The following ZNF35 variants were observed in gnomAD, a reference collection of about 807,000 sequenced individuals.
ZNF35 encodes the protein zinc finger protein 35, also known as zinc finger protein 35 (clone HF.10).
Under a neutral mutation model 45.9 loss-of-function variants are expected in ZNF35, and 31 were observed. That is an observed-to-expected ratio of 0.68 (90% confidence interval 0.51 to 0.91). ZNF35 has a LOEUF of 0.91. ZNF35 is among the 40% of genes least tolerant of loss of function. The pLI is 0.00. For missense variants in ZNF35, 515 were observed against 625.4 expected, an observed-to-expected ratio of 0.82 and a Z score of 1.88; for synonymous variants, 205 against 220.2, an observed-to-expected ratio of 0.93 and a Z score of 0.61.
chr3:44,646,669 A>T (rs1190678280), upstream of ZNF35: 1 of 615,390 alleles, frequency 1.6e-6, no homozygotes, highest in African/African-American at 1.9e-5. Context: ...TGAGTTTATT[A>T]TACCATTCTC....
In ZNF35 at chr3:44,659,684, A is replaced by G; in HGVS notation, c.1321A>G (p.Ser441Gly). The change falls in exon 4 of 4, where the codon AGT (serine) becomes GGT (glycine). Residue 441 changes from serine (S) to glycine (G), a missense_variant. By Grantham distance (56) the Ser-to-Gly change is moderately conservative. Around this residue, in one of 3 missense-constraint regions of ZNF35, gnomAD observed 232 missense variants for 304.6 expected, o/e 0.76. Coordinates refer to ENST00000396056, the MANE Select transcript of ZNF35 (RefSeq NM_003420.4). The surrounding 1 kb of genome is among the most constrained non-coding windows in gnomAD (Gnocchi z 4.3). ...SCLIVHQRIH[S>G]GDLPYVCNEC... The stretch of plus-strand genomic sequence containing the variant: ...CCTTATTGTCCACCAGAGAATTCAC[A>G]GTGGAGATCTTCCTTACGTGTGTAA... 6.2e-7 allele frequency: 1 copy of G among 1,614,230 alleles called. No homozygotes were observed. The highest frequency in any genetic ancestry group is 8.5e-7 in the Non-Finnish European group (1 of 1,180,036).
chr3:44,653,673 G>A (rs1252455552), intron 3 of ZNF35, among the ~76,000 whole-genome samples: 1 of 152,178 alleles, frequency 6.6e-6, no homozygotes, highest in Non-Finnish European at 1.5e-5. Flanking sequence ...TCTTCGTGAA[G>A]GGTACTGATG....
chr3:44,654,085 T>C (rs1703252759), intron 3 of ZNF35, among the ~76,000 whole-genome samples: 2 of 152,208 alleles, frequency 1.3e-5, no homozygotes, highest in African/African-American at 4.8e-5. Context: ...TGCATTCGCG[T>C]GCATGTCACT....
chr3:44,652,813 G>A (rs1703228484), intron 3 of ZNF35, 112 bp downstream of exon 3: 2 of 1,154,490 alleles, frequency 1.7e-6, no homozygotes, highest in South Asian at 4.5e-5. Flanking sequence ...CTGAGGTATT[G>A]AAAGTGTCCA....
chr3:44,655,891 T>G (rs556604582), intron 3 of ZNF35, among the ~76,000 whole-genome samples: 5 of 152,302 alleles, frequency 3.3e-5, no homozygotes, highest in Admixed American at 3.3e-4. Context: ...ATTCTAAATC[T>G]CCCAGTAAGG....
At chr3:44,648,130 A>G (rs1162058868), upstream of ZNF35, 1 of 152,218 alleles carries the variant, frequency 6.6e-6, no homozygotes, top group Non-Finnish European at 1.5e-5. Context: ...TGATTTGAAA[A>G]AAAGTTATAA....
intron 1 of ZNF35, 142 bp from the exon 2 acceptor site, chr3:44,650,799 A>C (rs1703187664): frequency 2.9e-6 from 1 of 344,408 alleles, no homozygotes; most frequent in Admixed American, 4.3e-5. Flanking sequence ...TCATCCTATG[A>C]GGGAGGAATA....
rs774943080 is a variant in ZNF35, at chr3:44,651,124, G to A, written c.57G>A (p.Val19=). ...MALAPWGPVK[V]KKEEEEEENF... is the part of the protein sequence containing the mutation. ...TAGCCCCATGGGGCCCAGTGAAGGT[G>A]AAAAAGGAGGAGGAAGAAGAAGAAA... Residue 19 remains valine, a synonymous_variant, in exon 2 of 4, where the codon GTG becomes GTA. Coordinates refer to ENST00000396056, the MANE Select transcript of ZNF35 (RefSeq NM_003420.4). 3 of 1,614,126 alleles carry A rather than the reference G, an allele frequency of 1.9e-6. No individual in the cohort carries two copies. Among genetic ancestry groups the A allele is most frequent in the South Asian group, 1.1e-5 (1 of 91,082 alleles).
At chr3:44,658,568 TG>T in intron 3 of ZNF35, 132 bp from the exon 4 acceptor site, 1 of 930,772 alleles carries the variant, frequency 1.1e-6, no homozygotes. Flanking sequence ...TAACATGTGA[TG>T]GGATTCTCTT....
rs1439386554 is a variant in ZNF35, at chr3:44,659,192, C to A, written c.829C>A (p.Pro277Thr). 6 of 1,614,008 alleles carry A rather than the reference C, an allele frequency of 3.7e-6. No individual in the cohort carries two copies. Among genetic ancestry groups the A allele is most frequent in the Non-Finnish European group, 5.1e-6 (6 of 1,180,028 alleles). ...VHQRIHTGQK[P>T]YVCSKCGKAF... ...TCAGAGAATCCACACTGGACAGAAA[C>A]CTTATGTTTGCTCAAAATGTGGGAA... The change falls in exon 4 of 4, where the codon CCT becomes ACT. Residue 277 changes from proline to threonine, a missense_variant. This residue lies in a region of ZNF35 where 232 missense variants were observed against 304.6 expected (regional missense o/e 0.76). Coordinates refer to ENST00000396056, the MANE Select transcript of ZNF35 (RefSeq NM_003420.4). The surrounding 1 kb of genome is among the most constrained non-coding windows in gnomAD (Gnocchi z 4.3).
At chr3:44,651,375 C>T (rs1703199709) in intron 2 of ZNF35, 116 bp downstream of exon 2, 8 of 974,438 alleles carry the variant, frequency 8.2e-6, no homozygotes, top group South Asian at 1.8e-5. Flanking sequence ...GGGTACAATT[C>T]TAGCTTCCAG....
At chr3:44,650,696 CTT>C (rs1049326927) in intron 1 of ZNF35, among the ~76,000 whole-genome samples, 1 of 152,114 alleles carries the variant, frequency 6.6e-6, no homozygotes, top group Non-Finnish European at 1.5e-5. Context: ...AGTAAGTTAA[CTT>C]TTAATCAGGA....
At position 44,651,645 on chromosome 3, in the gene ZNF35, T is replaced by C. The variant is rs531106044; in HGVS notation, c.192+386T>C. Among the ~76,000 whole-genome samples, 102 of 152,140 alleles carry C rather than the reference T, an allele frequency of 6.7e-4. No homozygotes were observed. The South Asian group carries it at 0.018, about 27-fold the overall frequency. On this transcript the variant is annotated intron_variant, in intron 2 of 3. Coordinates refer to ENST00000396056, the MANE Select transcript of ZNF35 (RefSeq NM_003420.4). ...GAGTTCAAGACCAGCCTGAGCAACA[T>C]TGCACACCTCGTGTTTTGCAATGCC...
At position 44,660,038 on chromosome 3, in the gene ZNF35, A is replaced by T. The variant is rs1703374891; in HGVS notation, c.*91A>T. 1 of 1,339,912 alleles carries T rather than the reference A, an allele frequency of 7.5e-7. No individual in the cohort carries two copies. Among genetic ancestry groups the T allele is most frequent in the Non-Finnish European group, 1.0e-6 (1 of 993,762 alleles). The allele number at this position is 1,339,912 out of a possible 1,614,324, so 83.0% of individuals were successfully genotyped here. ...TTTGCTGTTTTCTTCCTCCTCTATA[A>T]AAGTGAGGGCTGTGTCCTTAAAAGT... On this transcript the variant is annotated 3_prime_UTR_variant, in exon 4 of 4. Coordinates refer to ENST00000396056, the MANE Select transcript of ZNF35 (RefSeq NM_003420.4).
chr3:44,654,834 A>G (rs1395028602), intron 3 of ZNF35, among the ~76,000 whole-genome samples: 1 of 152,198 alleles, frequency 6.6e-6, no homozygotes, highest in Non-Finnish European at 1.5e-5. Flanking sequence ...TTTACAGATT[A>G]AATTTTTTAA....
At chr3:44,651,751 T>C (rs1287627705) in intron 2 of ZNF35, among the ~76,000 whole-genome samples, 1 of 151,482 alleles carries the variant, frequency 6.6e-6, no homozygotes, top group East Asian at 1.9e-4. Flanking sequence ...GAGGATTGAT[T>C]GAGCCTTGGA....
intron 2 of ZNF35, 148 bp downstream of exon 2, chr3:44,651,407 C>T: frequency 1.3e-6 from 1 of 778,896 alleles, no homozygotes; most frequent in Non-Finnish European, 2.0e-6. Context: ...AGGATAGAAA[C>T]ATTCCCTTCT....
At chr3:44,650,248 TAA>T (rs1575512782) in intron 1 of ZNF35, among the ~76,000 whole-genome samples, 1 of 152,172 alleles carries the variant, frequency 6.6e-6, no homozygotes, top group East Asian at 1.9e-4. Context: ...TTTTAAATCT[TAA>T]GTGTAATATT....
Position 44,659,853 on chromosome 3 carries a change from C to T in ZNF35, c.1490C>T (p.Thr497Ile). 6.2e-7 allele frequency: 1 copy of T among 1,613,602 alleles called. No homozygotes were observed. The highest frequency in any genetic ancestry group is 8.5e-7 in the Non-Finnish European group (1 of 1,179,676). Residue 497 changes from threonine to isoleucine, a missense_variant, in exon 4 of 4, where the codon ACT (threonine) becomes ATT (isoleucine). This residue lies in a region of ZNF35 where 232 missense variants were observed against 304.6 expected (regional missense o/e 0.76). Coordinates refer to ENST00000396056, the MANE Select transcript of ZNF35 (RefSeq NM_003420.4). The surrounding 1 kb of genome is among the most constrained non-coding windows in gnomAD (Gnocchi z 4.3). ...CTCACCGTGCACCAGAGAACCCACA[C>T]TGGGGAGAAGCCCTATGAATGTGAG... The part of the protein sequence containing the change: ...SSLTVHQRTH[T>I]GEKPYECEKC...
Sources: gnomAD v4.1 joint callset for allele counts (sites outside exome capture counted in the v4.1 genomes callset) on GRCh38, gnomAD v4.1.1 for gene constraint, gnomAD v4.1.1 regional missense constraint, Gnocchi (gnomAD v3.1) non-coding constraint, MANE v1.5 for transcripts, NCBI Gene and HGNC (gene_info 2026-07-23, HGNC 2026-07-21) for gene names.